MCM10: variants seen among roughly 807,000 people sequenced by gnomAD.
MCM10 encodes the protein protein MCM10 homolog.
MCM10 carries 91 observed loss-of-function variants against 109.9 expected under a neutral mutation model. That is an observed-to-expected ratio of 0.83 (90% CI 0.70 to 0.99). The LOEUF (loss-of-function observed/expected upper bound fraction) is 0.99. Ranked by LOEUF, MCM10 falls within the 50% of genes least tolerant of loss-of-function variation. The pLI is 0.00. For synonymous variants in MCM10, 380 were observed against 387.2 expected (o/e 0.98, Z 0.22); for missense variants, 1,077 against 1,061.2 (o/e 1.01, Z -0.21).
intron 2 of MCM10, 28 bp from the exon 3 acceptor site, chr10:13,170,894 C>T (rs1457007641): frequency 6.3e-7 from 1 of 1,592,800 alleles, no homozygotes; most frequent in African/African-American, 1.3e-5. Context: ...CGTGCTTATT[C>T]TCTGTCCTTT....
chr10:13,189,476 C>A (rs1367721778), intron 10 of MCM10, among the ~76,000 whole-genome samples: 3 of 152,148 alleles, frequency 2.0e-5, no homozygotes, highest in Admixed American at 6.5e-5. Context: ...GCGCGTGCCA[C>A]CACGCCCAGC....
At chr10:13,167,614 T>G (rs1470707257) in intron 2 of MCM10, among the ~76,000 whole-genome samples, 1 of 151,882 alleles carries the variant, frequency 6.6e-6, no homozygotes, top group East Asian at 1.9e-4. Flanking sequence ...ACACATATGA[T>G]GATCAGCACA....
chr10:13,200,671 T>C (rs1834486056), intron 16 of MCM10, among the ~76,000 whole-genome samples: 1 of 152,212 alleles, frequency 6.6e-6, no homozygotes, highest in African/African-American at 2.4e-5. Context: ...CACAAGCATC[T>C]CTGCCCTCAG....
intron 9 of MCM10, among the ~76,000 whole-genome samples, chr10:13,187,219 G>A (rs753151539): frequency 1.3e-5 from 2 of 152,052 alleles, no homozygotes; most frequent in African/African-American, 2.4e-5. Context: ...TTCATATAAT[G>A]GAATCACAAT....
rs769740815 is a variant in MCM10, at chr10:13,195,029, T to G, written c.1746-12T>G. Reference sequence around the variant, plus strand: ...ACCCTGTTTGCGTATTTTGACTGTATGTTCTTTAAAGATTTCTGCAGAGCT... The same window carrying G: ...ACCCTGTTTGCGTATTTTGACTGTAGGTTCTTTAAAGATTTCTGCAGAGCT... On this transcript the variant is annotated splice_polypyrimidine_tract_variant and intron_variant, in intron 13 of 19. Coordinates refer to ENST00000378714, the MANE Select transcript of MCM10 (RefSeq NM_018518.5). 3.7e-6 allele frequency: 6 copies of G among 1,608,972 alleles called. No homozygotes were observed. The highest frequency in any genetic ancestry group is 3.3e-5 in the South Asian group (3 of 90,634).
chr10:13,174,220 G>A (rs1834112271), intron 5 of MCM10, among the ~76,000 whole-genome samples: 1 of 134,634 alleles, frequency 7.4e-6, no homozygotes, highest in African/African-American at 2.8e-5. Context: ...TGGGCTCACT[G>A]CAACCTCCAC....
chr10:13,175,684 C>CA lies in MCM10; in HGVS notation c.764+4dup. On this transcript the variant is annotated splice_donor_region_variant and intron_variant, in intron 6 of 19. Transcript: ENST00000378714. The stretch of plus-strand genomic sequence containing the variant: ...GCCTTCTCTGGTCTGCGGCTCAGGT[C>CA]AGTAGCTAAACCATCTATTCATGTG... 1.3e-6 allele frequency: 2 copies of CA among 1,592,348 alleles called. No individual in the cohort carries two copies. The highest frequency in any genetic ancestry group is 1.1e-5 in the South Asian group (1 of 88,518).
chr10:13,165,232 C>T (rs1833979937), intron 2 of MCM10, among the ~76,000 whole-genome samples: 1 of 152,156 alleles, frequency 6.6e-6, no homozygotes, highest in Non-Finnish European at 1.5e-5. Flanking sequence ...ACAATTATGA[C>T]AATATACTGT....
rs549409038 is a variant in MCM10, at chr10:13,186,655, C to A, written c.1215+375C>A. 3.2e-4 allele frequency among the ~76,000 whole-genome samples: 49 copies of A among 152,250 alleles called. 1 individual carries two copies. The highest frequency in any genetic ancestry group is 1.2e-3 in the African/African-American group (48 of 41,532). The stretch of plus-strand genomic sequence containing the variant: ...AGGGCTTTTTAAAAAATAATAGCTT[C>A]ATTTAGGTATAATTCACATACCATG... On this transcript the variant is annotated intron_variant, in intron 9 of 19. Transcript: ENST00000378714.
intron 9 of MCM10, 61 bp downstream of exon 9, chr10:13,186,341 G>C (rs189494547): frequency 6.9e-6 from 8 of 1,163,102 alleles, no homozygotes; most frequent in South Asian, 5.1e-5. Flanking sequence ...GGAATAAACT[G>C]TTGGTGCTTT....
chr10:13,202,165 C>T (rs1304497428), intron 17 of MCM10, among the ~76,000 whole-genome samples: 1 of 152,088 alleles, frequency 6.6e-6, no homozygotes, highest in African/African-American at 2.4e-5. Context: ...TTGAGACCAA[C>T]CCGGGCAACA....
intron 2 of MCM10, among the ~76,000 whole-genome samples, chr10:13,164,450 A>G (rs1466441852): frequency 5.3e-5 from 8 of 152,312 alleles, no homozygotes; most frequent in Admixed American, 1.3e-4. Context: ...TGGTAGGTGT[A>G]CAGTGGGCCA....
intron 2 of MCM10, 90 bp downstream of exon 2, chr10:13,164,299 GA>G: frequency 1.6e-6 from 2 of 1,277,462 alleles, no homozygotes; most frequent in Non-Finnish European, 2.2e-6. Flanking sequence ...GTAAAATGGT[GA>G]AAATGCTCCC....
chr10:13,208,462 G>T (rs1017243916), intron 18 of MCM10, among the ~76,000 whole-genome samples: 1 of 150,872 alleles, frequency 6.6e-6, no homozygotes, highest in African/African-American at 2.4e-5. Flanking sequence ...GGGCACAGTG[G>T]CTCACGCCCG....
At chr10:13,176,100 G>C (rs1834138533) in intron 6 of MCM10, among the ~76,000 whole-genome samples, 1 of 151,992 alleles carries the variant, frequency 6.6e-6, no homozygotes, top group Non-Finnish European at 1.5e-5. Flanking sequence ...TGGCTCTTCT[G>C]GGTCTTTTGC....
Position 13,211,068 on chromosome 10 carries a change from ATTTGAT to A in MCM10, c.*1762_*1767del. On this transcript the variant is annotated 3_prime_UTR_variant, in exon 20 of 20. Coordinates refer to ENST00000378714, the MANE Select transcript of MCM10 (RefSeq NM_018518.5). ...AGCTGTATCTGGATGCCTTTTTACA[ATTTGAT>A]TTTAACTTTTAAAATAAATTTAAAA... The A allele has an allele frequency of 6.6e-6, 1 of 152,236 alleles. No individual in the cohort carries two copies. The highest frequency in any genetic ancestry group is 2.1e-4 in the South Asian group (1 of 4,822). 9.4% of individuals were successfully genotyped at this position (152,236 alleles called of 1,614,324 possible). A position where few individuals can be genotyped will look rare whatever the true frequency, so the allele number is the denominator to read the frequency against.
intron 1 of MCM10, among the ~76,000 whole-genome samples, chr10:13,161,831 C>T (rs77359387): frequency 0.045 from 6,912 of 152,334 alleles, 244 homozygotes; most frequent in Non-Finnish European, 0.073. Context: ...GAATCGGGTT[C>T]TTCCTTTTAA....
rs745680498 is a variant in MCM10 at position 13,192,575 on chromosome 10, G to A, written c.1745+7G>A. 2.5e-6 allele frequency: 4 copies of A among 1,612,708 alleles called. No individual in the cohort carries two copies. In the Admixed American group the frequency reaches 6.7e-5, roughly 27 times the overall value. Reference sequence around the variant, plus strand: ...CAGAAGAAATACAGAAGCGGTAAGAGGAGCAGATTTAATATTCCCCGCTTG... The same window carrying A: ...CAGAAGAAATACAGAAGCGGTAAGAAGAGCAGATTTAATATTCCCCGCTTG... On this transcript the variant is annotated splice_region_variant and intron_variant, in intron 13 of 19. Transcript: ENST00000378714.
rs765572804 is a variant in MCM10 at position 13,186,174 on chromosome 10, C to G, written c.1109C>G (p.Ser370Cys). The change falls in exon 9 of 20, where the codon TCT (serine) becomes TGT (cysteine). Residue 370 changes from serine (S) to cysteine (C), a missense_variant. Physicochemically the swap from Ser to Cys is moderately radical, Grantham distance 112 (BLOSUM62 -1). Coordinates refer to ENST00000378714, the MANE Select transcript of MCM10 (RefSeq NM_018518.5). ...CACCTTTTCTTACAGGTGTGTTTAT[C>G]TATCGATCATCCTCAGAAGGTCTTA... ...PKDGSEEVCLSIDHPQKVLIM... is the reference protein window; with the variant it reads ...PKDGSEEVCLCIDHPQKVLIM... 3 of 1,605,946 alleles carry G rather than the reference C, an allele frequency of 1.9e-6. No homozygotes were observed. The Admixed American group carries it at 5.0e-5, about 27-fold the overall frequency.
Sources: allele counts gnomAD v4.1 joint callset (sites outside exome capture counted in the v4.1 genomes callset), GRCh38; gene constraint gnomAD v4.1.1; transcripts MANE v1.5; gene names NCBI Gene and HGNC (gene_info 2026-07-23, HGNC 2026-07-21).